The following EXD3 variants were observed in gnomAD, a reference collection of about 807,000 sequenced individuals.
EXD3 encodes exonuclease 3'-5' domain containing 3.
In EXD3, 92 loss-of-function variants were observed where a neutral mutation model predicts 98.0. The observed-to-expected ratio is 0.94, with a 90% confidence interval of 0.79 to 1.12. EXD3 has a LOEUF of 1.12. Ranked by LOEUF, EXD3 falls within the 50% of genes most tolerant of loss-of-function variation. EXD3 has a pLI of 0.00. For synonymous variants in EXD3, 569 were observed against 526.0 expected (o/e 1.08, Z -1.12); for missense variants, 1,222 against 1,191.6 (o/e 1.03, Z -0.38).
chr9:137,373,382 A>G, intron 4 of EXD3, 44 bp downstream of exon 4: 4 of 1,589,432 alleles, frequency 2.5e-6, no homozygotes, highest in Non-Finnish European at 3.4e-6. Context: ...GCTGAGGGGC[A>G]GGGGCAGGAA....
At chr9:137,414,396 T>A (rs973480149) in intron 1 of EXD3, among the ~76,000 whole-genome samples, 1 of 152,246 alleles carries the variant, frequency 6.6e-6, no homozygotes, top group African/African-American at 2.4e-5. Flanking sequence ...CTGGCTGTTA[T>A]AAACAGTGCT....
chr9:137,353,662 G>A, intron 10 of EXD3: 1 of 985,758 alleles, frequency 1.0e-6, no homozygotes, highest in Non-Finnish European at 1.2e-6. Flanking sequence ...GGGACCCTCA[G>A]CCCCCGCTGG....
chr9:137,319,732 C>T (rs1831924899), intron 19 of EXD3, among the ~76,000 whole-genome samples: 1 of 152,210 alleles, frequency 6.6e-6, no homozygotes, highest in Admixed American at 6.5e-5. Context: ...AAGCAAGCTC[C>T]ATTCTCCCAC....
chr9:137,400,990 G>T (rs1223804339), intron 1 of EXD3, among the ~76,000 whole-genome samples: 1 of 152,068 alleles, frequency 6.6e-6, no homozygotes, highest in African/African-American at 2.4e-5. Context: ...CCTCCCAGCT[G>T]CTTTCACAGG....
chr9:137,362,448 C>A (rs1468219876), intron 7 of EXD3, among the ~76,000 whole-genome samples: 2 of 151,436 alleles, frequency 1.3e-5, no homozygotes, highest in Non-Finnish European at 2.9e-5. Context: ...TTTATAAATT[C>A]CAGCATACAT....
In EXD3 at chr9:137,421,778, C is replaced by T. The variant is rs1208271583; in HGVS notation, c.-48+1336G>A. On this transcript the variant is annotated intron_variant, in intron 1 of 21. Transcript: ENST00000340951. ...ATTTAAGCCCAAGAGTTCAAGGCTG[C>T]GATGAGTGGGAATCGTGCCTCTGCA... 3.3e-5 allele frequency among the ~76,000 whole-genome samples: 5 copies of T among 152,128 alleles called. No individual in the cohort carries two copies. The East Asian group carries it at 7.7e-4, about 23-fold the overall frequency.
In EXD3 at chr9:137,403,533, A is replaced by G. The variant is rs1163173755; in HGVS notation, c.-47-8129T>C. Among the ~76,000 whole-genome samples the G allele has an allele frequency of 2.6e-5, 4 of 151,772 alleles. No homozygotes were observed. The highest frequency in any genetic ancestry group is 5.9e-5 in the Non-Finnish European group (4 of 67,966). The stretch of plus-strand genomic sequence containing the variant: ...CCCCAGGTCCGTTTCAGCCCTCCAG[A>G]CGCCCGTACCCAGGAAACCTGGGCC... On this transcript the variant is annotated intron_variant, in intron 1 of 21. Coordinates refer to ENST00000340951, the MANE Select transcript of EXD3 (RefSeq NM_017820.5). This position sits in a 1 kb window ranked among gnomAD's most constrained non-coding sequence, Gnocchi z 6.1.
intron 17 of EXD3, among the ~76,000 whole-genome samples, chr9:137,346,862 G>A (rs747858281): frequency 1.3e-5 from 2 of 152,120 alleles, no homozygotes; most frequent in Non-Finnish European, 2.9e-5. Flanking sequence ...CACCCAGGCT[G>A]GAGTGCAGTG....
chr9:137,415,932 A>T (rs971319834), intron 1 of EXD3, among the ~76,000 whole-genome samples: 4 of 152,240 alleles, frequency 2.6e-5, no homozygotes, highest in African/African-American at 9.6e-5. Context: ...AGGCAGATGC[A>T]CGTGTGAGGG....
chr9:137,310,645 G>A lies in EXD3; in HGVS notation c.2185-945C>T, dbSNP rs567019928. ...CCCGAGTCCTGACTTGGAGCGGGGT[G>A]CACGGCCTTCCCAGTGGTCACTTCC... On this transcript the variant is annotated intron_variant, in intron 19 of 21. Transcript: ENST00000340951. Among the ~76,000 whole-genome samples the A allele has an allele frequency of 2.3e-4, 35 of 152,312 alleles. No individual in the cohort carries two copies. In the South Asian group the frequency reaches 5.2e-3, roughly 23 times the overall value.
rs118099574 is a variant in EXD3, at chr9:137,315,392, C to T, written c.2185-5692G>A. Among the ~76,000 whole-genome samples the T allele has an allele frequency of 0.013, 1,906 of 152,340 alleles. 75 individuals carry two copies. The East Asian group carries it at 0.15, about 12-fold the overall frequency. ...CAGCCTGCACCCCCACCGCCACCGC[C>T]GGAGAGACCACGCGTGTGGGCCTGA... On this transcript the variant is annotated intron_variant, in intron 19 of 21. Transcript: ENST00000340951.
chr9:137,314,611 C>T (rs939521883), intron 19 of EXD3, among the ~76,000 whole-genome samples: 2 of 152,106 alleles, frequency 1.3e-5, no homozygotes, highest in East Asian at 1.9e-4. Flanking sequence ...GCCCCCTGTC[C>T]CCCCGCCCCC....
chr9:137,379,066 G>C (rs113569356), intron 3 of EXD3, among the ~76,000 whole-genome samples: 1 of 109,330 alleles, frequency 9.1e-6, no homozygotes, highest in Non-Finnish European at 1.8e-5. Context: ...GTCTGTGTGA[G>C]GGGTACGGGG....
intron 1 of EXD3, among the ~76,000 whole-genome samples, chr9:137,399,371 C>T (rs1318957636): frequency 1.3e-5 from 2 of 152,234 alleles, no homozygotes; most frequent in Non-Finnish European, 2.9e-5. Context: ...TCAGTTCTGT[C>T]CTCAGGAACT....
At chr9:137,373,348 G>A (rs1226841301) in intron 4 of EXD3, 78 bp downstream of exon 4, 10 of 1,509,058 alleles carry the variant, frequency 6.6e-6, no homozygotes, top group African/African-American at 1.4e-5. Context: ...AAAGGCCTGG[G>A]CAGGTGGATG....
intron 1 of EXD3, among the ~76,000 whole-genome samples, chr9:137,412,989 C>T (rs929773302): frequency 5.9e-5 from 9 of 152,028 alleles, no homozygotes; most frequent in African/African-American, 2.2e-4. Context: ...CACTACGTCA[C>T]CCAGACTGGT....
At chr9:137,355,635 A>AG (rs368843927) in intron 8 of EXD3, among the ~76,000 whole-genome samples, 19 of 49,734 alleles carry the variant, frequency 3.8e-4, no homozygotes, top group African/African-American at 9.6e-4. Context: ...GGATGGAGGA[A>AG]GGAGGAAGGA....
At chr9:137,372,570 C>T (rs1006736095) in intron 5 of EXD3, among the ~76,000 whole-genome samples, 1 of 152,244 alleles carries the variant, frequency 6.6e-6, no homozygotes, top group Non-Finnish European at 1.5e-5. Flanking sequence ...CATGGTGGGG[C>T]GTGGCTGGAC....
chr9:137,357,566 G>A (rs1162475012), intron 7 of EXD3, among the ~76,000 whole-genome samples: 1 of 151,778 alleles, frequency 6.6e-6, no homozygotes, highest in Non-Finnish European at 1.5e-5. Flanking sequence ...AGCTCTTTCT[G>A]TGGGGCCCCC....
Sources: allele counts gnomAD v4.1 joint callset (sites outside exome capture counted in the v4.1 genomes callset), GRCh38; gene constraint gnomAD v4.1.1; non-coding constraint Gnocchi (gnomAD v3.1); transcripts MANE v1.5; gene names NCBI Gene and HGNC (gene_info 2026-07-23, HGNC 2026-07-21).